Variants in LIMS2 observed in about 807,000 individuals in gnomAD.
The protein encoded by LIMS2 is LIM zinc finger domain containing 2, also known as LIM and senescent cell antigen-like-containing domain protein 2.
In LIMS2, 30 loss-of-function variants were observed where a neutral mutation model predicts 45.3. The ratio of observed to expected loss-of-function variants is 0.66; its 90% CI spans 0.50 to 0.90. The LOEUF (loss-of-function observed/expected upper bound fraction) is 0.90. Ranked by LOEUF, LIMS2 falls within the 40% of genes least tolerant of loss-of-function variation. LIMS2 has a pLI of 0.00. For synonymous variants in LIMS2, 173 were observed against 188.0 expected, an observed-to-expected ratio of 0.92 and a Z score of 0.65; for missense variants, 485 against 468.7, an observed-to-expected ratio of 1.03 and a Z score of -0.32.
intron 2 of LIMS2, chr2:127,655,544 G>C (rs1406272230): frequency 6.4e-6 from 1 of 156,678 alleles, no homozygotes; most frequent in African/African-American, 2.4e-5. Context: ...TAAAATGAGT[G>C]TCTTATTAGA....
At chr2:127,677,834 C>A (rs140766580), upstream of LIMS2, among the ~76,000 whole-genome samples, 1 of 152,098 alleles carries the variant, frequency 6.6e-6, no homozygotes, top group African/African-American at 2.4e-5. The surrounding 1 kb of genome is among the most constrained non-coding windows in gnomAD (Gnocchi z 5.0). Flanking sequence ...AAAATCAGAA[C>A]GGTGGCTGCC....
At chr2:127,649,143 C>T (rs1034560463) in intron 4 of LIMS2, among the ~76,000 whole-genome samples, 3 of 93,200 alleles carry the variant, frequency 3.2e-5, no homozygotes, top group South Asian at 3.5e-4. Flanking sequence ...ACAAGCAAAG[C>T]GAAGTGAGAG....
chr2:127,661,590 A>G (rs1684664588), intron 1 of LIMS2, among the ~76,000 whole-genome samples: 1 of 152,172 alleles, frequency 6.6e-6, no homozygotes, highest in African/African-American at 2.4e-5. Context: ...CCCCAGCTGG[A>G]CTACGTAGAA....
In LIMS2 at chr2:127,647,658, T is replaced by C. The variant is rs1683143555; in HGVS notation, c.360-4586A>G. Among the ~76,000 whole-genome samples the C allele has an allele frequency of 6.6e-6, 1 of 151,676 alleles. No individual in the cohort carries two copies. Among genetic ancestry groups the C allele is most frequent in the African/African-American group, 2.4e-5 (1 of 41,222 alleles). ...GGCCCCTCACTCACTGGGCCCCCTC[T>C]CCTCTTCCAGTCTCCAGGGCCTCCC... is the stretch of plus-strand genomic sequence containing the variant. On this transcript the variant is annotated intron_variant, in intron 4 of 9. Coordinates refer to ENST00000355119, the MANE Select transcript of LIMS2 (RefSeq NM_001161403.3). This position sits in a 1 kb window ranked among gnomAD's most constrained non-coding sequence, Gnocchi z 4.3.
At chr2:127,674,976 C>G (rs974361191) in intron 1 of LIMS2, 38 bp downstream of exon 1, 11 of 1,228,298 alleles carry the variant, frequency 9.0e-6, no homozygotes, top group Non-Finnish European at 1.1e-5. Context: ...CCCGCAGTCC[C>G]GCCTCCCCGG....
chr2:127,640,372 G>C, intron 7 of LIMS2, 54 bp from the exon 8 acceptor site: 1 of 1,581,238 alleles, frequency 6.3e-7, no homozygotes, highest in South Asian at 1.1e-5. Context: ...CCCCAGCCCA[G>C]GGCCATCATG....
rs556217980 is a variant in LIMS2, at chr2:127,655,365, G to A, written c.172-469C>T. 9 of 199,806 alleles carry A rather than the reference G, an allele frequency of 4.5e-5. No homozygotes were observed. In the South Asian group the frequency reaches 6.3e-4, roughly 14 times the overall value. 12.4% of individuals were successfully genotyped at this position (199,806 alleles called of 1,614,324 possible). A position where few individuals can be genotyped will look rare whatever the true frequency, so the allele number is the denominator to read the frequency against. On this transcript the variant is annotated intron_variant, in intron 2 of 9. Transcript: ENST00000355119. ...AACGCAGGAAGGGCCTGGGCACGGG[G>A]AAGTGGGAAGAGCTCAGGGCTGCGG...
At chr2:127,649,535 G>A (rs745506399) in intron 4 of LIMS2, among the ~76,000 whole-genome samples, 10 of 152,232 alleles carry the variant, frequency 6.6e-5, no homozygotes, top group Non-Finnish European at 5.9e-5. Context: ...GGCCAGGTGC[G>A]CTGTCCTGCC....
At chr2:127,654,384 C>T in intron 4 of LIMS2, 40 bp downstream of exon 4, 2 of 1,613,172 alleles carry the variant, frequency 1.2e-6, no homozygotes, top group Non-Finnish European at 8.5e-7. Context: ...CCAGGAAGGG[C>T]TGTGGCCCAG....
chr2:127,674,601 G>C (rs941299528), intron 1 of LIMS2: 19 of 979,792 alleles, frequency 1.9e-5, no homozygotes, highest in Admixed American at 1.8e-4. Flanking sequence ...GAAACGGAAG[G>C]CTCCAGAGAT....
intron 8 of LIMS2, 59 bp downstream of exon 8, chr2:127,640,211 C>T: frequency 2.5e-6 from 4 of 1,612,640 alleles, no homozygotes; most frequent in Non-Finnish European, 3.4e-6. Context: ...GGGCTCACAG[C>T]TGCAGCACCC....
chr2:127,659,997 C>A (rs980071545), intron 1 of LIMS2, among the ~76,000 whole-genome samples: 1 of 152,200 alleles, frequency 6.6e-6, no homozygotes, highest in Admixed American at 6.5e-5. Flanking sequence ...CCTCCCTCGC[C>A]GTTTCATAAA....
At chr2:127,643,631 G>A in intron 4 of LIMS2, 1 of 456,158 alleles carries the variant, frequency 2.2e-6, no homozygotes, top group South Asian at 1.5e-5. Flanking sequence ...TTTTTGTGAA[G>A]ACCTCAGAAT....
intron 4 of LIMS2, among the ~76,000 whole-genome samples, chr2:127,652,865 T>TA (rs1683946280): frequency 6.6e-6 from 1 of 152,242 alleles, no homozygotes; most frequent in Non-Finnish European, 1.5e-5. Context: ...GCACCGTCCT[T>TA]ACGGCAACAT....
Position 127,642,505 on chromosome 2 carries a change from G to A in LIMS2, c.510-306C>T. On this transcript the variant is annotated intron_variant, in intron 5 of 9. Transcript: ENST00000355119. The surrounding 1 kb of genome is among the most constrained non-coding windows in gnomAD (Gnocchi z 5.3). ...CAGAGGGGGTGTCTGGATAGGCACG[G>A]AGAGGACTGGAGGGGACGGTGGGGG... 1 of 341,562 alleles carries A rather than the reference G, an allele frequency of 2.9e-6. No homozygotes were observed. Among genetic ancestry groups the A allele is most frequent in the Non-Finnish European group, 5.4e-6 (1 of 186,512 alleles). 21.2% of individuals were successfully genotyped at this position (341,562 alleles called of 1,614,324 possible).
In LIMS2 at chr2:127,640,140, A is replaced by C; in HGVS notation, c.808T>G (p.Ser270Ala). 6.2e-7 allele frequency: 1 copy of C among 1,613,364 alleles called. No individual in the cohort carries two copies. The highest frequency in any genetic ancestry group is 8.5e-7 in the Non-Finnish European group (1 of 1,180,016). The change falls in exon 9 of 10, where the codon TCG (serine) becomes GCG (alanine). Residue 270 changes from serine (S) to alanine (A), a missense_variant. Transcript: ENST00000355119. ...ACACACCAGGCCTTGTTGAGGGCCG[A>C]CACCACTGTGAGGGAAGCGTGGGAC... ...CSHVIEGDVV[S>A]ALNKAWCVSC...
At chr2:127,659,072 T>G (rs1370823926) in intron 1 of LIMS2, among the ~76,000 whole-genome samples, 1 of 151,842 alleles carries the variant, frequency 6.6e-6, no homozygotes, top group Non-Finnish European at 1.5e-5. Context: ...AGGGCTGCGC[T>G]TAGGGTCTGG....
intron 4 of LIMS2, among the ~76,000 whole-genome samples, chr2:127,644,517 A>G (rs1049668381): frequency 7.2e-5 from 11 of 152,152 alleles, no homozygotes; most frequent in African/African-American, 2.7e-4. Flanking sequence ...CCTGGCGCCT[A>G]TGGCGGCCAG....
chr2:127,643,021 C>T lies in LIMS2; in HGVS notation c.411G>A (p.Lys137=). The T allele has an allele frequency of 2.5e-6, 4 of 1,586,740 alleles. No individual in the cohort carries two copies. The highest frequency in any genetic ancestry group is 3.4e-6 in the Non-Finnish European group (4 of 1,166,942). ...CCAGGTGGCACCGCTGGCAGATGTA[C>T]TTGCCCAGGCCCTTGGCCTTCTCAC... ...HNREKAKGLG[K]YICQRCHLVI... is the part of the protein sequence containing the mutation. The change falls in exon 5 of 10, where the codon AAG becomes AAA. Residue 137 remains lysine, a synonymous_variant. Transcript: ENST00000355119.
Sources: gnomAD v4.1 joint callset for allele counts (sites outside exome capture counted in the v4.1 genomes callset) on GRCh38, gnomAD v4.1.1 for gene constraint, Gnocchi (gnomAD v3.1) non-coding constraint, MANE v1.5 for transcripts, NCBI Gene and HGNC (gene_info 2026-07-23, HGNC 2026-07-21) for gene names.